The following RGS20 variants were observed in gnomAD, a reference collection of about 807,000 sequenced individuals.
RGS20 encodes the protein regulator of G protein signaling 20.
RGS20 carries 30 observed loss-of-function variants against 33.6 expected under a neutral mutation model. That is an observed-to-expected ratio of 0.89 (90% confidence interval 0.67 to 1.21). The LOEUF (loss-of-function observed/expected upper bound fraction) is 1.21. RGS20 is among the 50% of genes most tolerant of loss of function. RGS20 has a pLI of 0.00. For synonymous variants in RGS20, 208 were observed against 197.9 expected, an observed-to-expected ratio of 1.05 and a Z score of -0.43; for missense variants, 472 against 502.4, an observed-to-expected ratio of 0.94 and a Z score of 0.58.
chr8:53,870,063 A>T (rs375829875), intron 1 of RGS20, among the ~76,000 whole-genome samples: 2 of 151,876 alleles, frequency 1.3e-5, no homozygotes, highest in African/African-American at 2.4e-5. Context: ...CCAAACATTT[A>T]AAAAAAATGG....
chr8:53,876,318 G>A (rs2129272851), intron 1 of RGS20: 1 of 152,294 alleles, frequency 6.6e-6, no homozygotes, highest in Admixed American at 6.5e-5. Flanking sequence ...AGGCTGTGGC[G>A]ATTTTCGTCT....
chr8:53,957,729 C>T (rs927308058), intron 5 of RGS20, among the ~76,000 whole-genome samples: 5 of 152,252 alleles, frequency 3.3e-5, no homozygotes, highest in African/African-American at 7.2e-5. Context: ...GCCCAGGAAC[C>T]GCTCTCACAA....
chr8:53,874,656 C>T (rs1353861859), intron 1 of RGS20, among the ~76,000 whole-genome samples: 1 of 152,192 alleles, frequency 6.6e-6, no homozygotes, highest in Non-Finnish European at 1.5e-5. Flanking sequence ...GAATCTACTC[C>T]ATGCCTCTTC....
At chr8:53,919,645 G>A (rs1448947992) in intron 2 of RGS20, among the ~76,000 whole-genome samples, 4 of 149,706 alleles carry the variant, frequency 2.7e-5, no homozygotes, top group African/African-American at 7.4e-5. Flanking sequence ...CTGGAATGCA[G>A]TGGTGCGATC....
At chr8:53,903,307 C>T (rs1210844720) in intron 2 of RGS20, among the ~76,000 whole-genome samples, 1 of 152,136 alleles carries the variant, frequency 6.6e-6, no homozygotes, top group African/African-American at 2.4e-5. Context: ...TGATTAAAAA[C>T]AAAATTCTGA....
chr8:53,937,729 A>G (rs139994759), intron 2 of RGS20, among the ~76,000 whole-genome samples: 7,517 of 152,200 alleles, frequency 0.049, 472 homozygotes, highest in African/African-American at 0.15. Context: ...CAAAGGATAC[A>G]AATAGACACT....
chr8:53,948,211 A>ATGATAT (rs1491240899), intron 4 of RGS20, among the ~76,000 whole-genome samples: 3 of 85,648 alleles, frequency 3.5e-5, no homozygotes, highest in African/African-American at 9.3e-5. Flanking sequence ...TGCTATATAT[A>ATGATAT]AGATAGTATA....
intron 2 of RGS20, among the ~76,000 whole-genome samples, chr8:53,910,186 A>G (rs1463168582): frequency 6.6e-6 from 1 of 152,200 alleles, no homozygotes; most frequent in Non-Finnish European, 1.5e-5. Context: ...GAACATGAAG[A>G]AAGCCATGTA....
At chr8:53,881,136 A>G in intron 2 of RGS20, 52 bp downstream of exon 1, 1 of 1,364,308 alleles carries the variant, frequency 7.3e-7, no homozygotes, top group Non-Finnish European at 9.7e-7. Context: ...GCTCGCCCTG[A>G]GGCTTCGTGC....
rs1812228474 is a variant in RGS20 at position 53,877,259 on chromosome 8, T to G, written c.166-1999T>G. On this transcript the variant is annotated intron_variant, in intron 1 of 5. Transcript: ENST00000297313. The surrounding 1 kb of genome is among the most constrained non-coding windows in gnomAD (Gnocchi z 5.7). ...GTCGCCAGGAACCCGGCTGGTCCTCTCTCGACTTCTTAGCGTGGGGTCCCG... is the reference window on the plus strand; with the variant it reads ...GTCGCCAGGAACCCGGCTGGTCCTCGCTCGACTTCTTAGCGTGGGGTCCCG... Among the ~76,000 whole-genome samples, 3 of 152,166 alleles carry G rather than the reference T, an allele frequency of 2.0e-5. No homozygotes were observed. The highest frequency in any genetic ancestry group is 4.1e-4 in the South Asian group (2 of 4,828).
chr8:53,957,543 G>A (rs1345041953), intron 5 of RGS20, among the ~76,000 whole-genome samples: 2 of 152,256 alleles, frequency 1.3e-5, no homozygotes, highest in Non-Finnish European at 2.9e-5. Flanking sequence ...CTGTGGGCCA[G>A]CAGGGGAAGC....
At position 53,958,515 on chromosome 8, in the gene RGS20, C is replaced by T. The variant is rs185540634; in HGVS notation, c.*57C>T. 3.4e-3 allele frequency: 3,269 copies of T among 968,478 alleles called. 38 individuals carry two copies. The highest frequency in any genetic ancestry group is 9.8e-3 in the South Asian group (264 of 26,982). The allele number at this position is 968,478 out of a possible 1,614,324, so 60.0% of individuals were successfully genotyped here. ...TAATAAAAGAATTCATGGGCTACAA[C>T]TAGCACAGGGAATTTAGAGGTTGTA... On this transcript the variant is annotated 3_prime_UTR_variant, in exon 6 of 6. Coordinates refer to ENST00000297313, the MANE Select transcript of RGS20 (RefSeq NM_170587.4).
At chr8:53,928,543 C>T (rs371070469) in intron 2 of RGS20, among the ~76,000 whole-genome samples, 2 of 152,224 alleles carry the variant, frequency 1.3e-5, no homozygotes. Flanking sequence ...TTCATGCTCA[C>T]CAGGGCGCGG....
intron 4 of RGS20, 132 bp from the exon 4 acceptor site, chr8:53,953,944 C>T: frequency 2.8e-6 from 2 of 721,894 alleles, no homozygotes; most frequent in Non-Finnish European, 4.9e-6. Flanking sequence ...ACAGTTCTTT[C>T]CCTTCCTAAA....
At chr8:53,921,675 C>T (rs1435613656) in intron 2 of RGS20, among the ~76,000 whole-genome samples, 1 of 151,704 alleles carries the variant, frequency 6.6e-6, no homozygotes, top group Non-Finnish European at 1.5e-5. Context: ...CTTTTTATTT[C>T]TGTAAGATCA....
intron 2 of RGS20, among the ~76,000 whole-genome samples, chr8:53,924,429 C>T (rs1355560271): frequency 1.3e-5 from 2 of 152,062 alleles, no homozygotes; most frequent in African/African-American, 2.4e-5. Context: ...CTCAAGTGAT[C>T]TACCCCCCTT....
At chr8:53,947,946 TATA>T (rs1400571004) in intron 4 of RGS20, among the ~76,000 whole-genome samples, 2 of 137,012 alleles carry the variant, frequency 1.5e-5, no homozygotes, top group African/African-American at 2.6e-5. Flanking sequence ...ATATATAAGA[TATA>T]GTATATATAT....
intron 2 of RGS20, among the ~76,000 whole-genome samples, chr8:53,898,300 G>C (rs1812923088): frequency 6.6e-6 from 1 of 152,106 alleles, no homozygotes; most frequent in African/African-American, 2.4e-5. Flanking sequence ...CACTGTCCTG[G>C]TATTGAGGGT....
At chr8:53,906,443 G>T (rs1476791643) in intron 2 of RGS20, among the ~76,000 whole-genome samples, 1 of 152,156 alleles carries the variant, frequency 6.6e-6, no homozygotes, top group Non-Finnish European at 1.5e-5. Flanking sequence ...CCCTAAGTGT[G>T]CTGGCAAATG....
Sources: allele counts gnomAD v4.1 joint callset (sites outside exome capture counted in the v4.1 genomes callset), GRCh38; gene constraint gnomAD v4.1.1; non-coding constraint Gnocchi (gnomAD v3.1); transcripts MANE v1.5; gene names NCBI Gene and HGNC (gene_info 2026-07-23, HGNC 2026-07-21).